PAPSS2: variants seen among roughly 807,000 people sequenced by gnomAD.
PAPSS2 encodes the protein bifunctional 3'-phosphoadenosine 5'-phosphosulfate synthase 2.
In PAPSS2, 61 loss-of-function variants were observed where a neutral mutation model predicts 66.5. That is an observed-to-expected ratio of 0.92 (90% CI 0.75 to 1.14). PAPSS2 has a LOEUF of 1.14. Ranked by LOEUF, PAPSS2 falls within the 50% of genes most tolerant of loss-of-function variation. The probability of loss-of-function intolerance (pLI) is 0.00; values close to 1 mark genes in which losing one functional copy is unlikely to be tolerated. For synonymous variants in PAPSS2, 289 were observed against 287.5 expected, an observed-to-expected ratio of 1.01 and a Z score of -0.05; for missense variants, 708 against 789.6, an observed-to-expected ratio of 0.90 and a Z score of 1.24.
At chr10:87,669,031 TTCTGGGGACAGAAA>T (rs1156868433) in intron 1 of PAPSS2, among the ~76,000 whole-genome samples, 4 of 152,216 alleles carry the variant, frequency 2.6e-5, no homozygotes, top group Non-Finnish European at 5.9e-5. Flanking sequence ...TGTTGTGGCA[TTCTGGGGACAGAAA>T]ATACAGACCA....
chr10:87,689,063 A>G (rs930005967), intron 1 of PAPSS2, among the ~76,000 whole-genome samples: 4 of 152,068 alleles, frequency 2.6e-5, no homozygotes, highest in Non-Finnish European at 4.4e-5. Flanking sequence ...GGCCGGGGCC[A>G]GTTGCGGTGG....
At chr10:87,663,773 T>C (rs1217554134) in intron 1 of PAPSS2, among the ~76,000 whole-genome samples, 1 of 152,212 alleles carries the variant, frequency 6.6e-6, no homozygotes, top group African/African-American at 2.4e-5. Flanking sequence ...CTCCTAAAAA[T>C]TGTCTTGCTC....
intron 6 of PAPSS2, 123 bp downstream of exon 6, chr10:87,715,221 C>G (rs117305777): frequency 5.9e-5 from 41 of 695,456 alleles, no homozygotes; most frequent in Non-Finnish European, 9.4e-5. Context: ...AAATAAAACA[C>G]TCCTTTTTTT....
intron 1 of PAPSS2, among the ~76,000 whole-genome samples, chr10:87,690,932 T>C (rs1013423755): frequency 6.6e-6 from 1 of 152,270 alleles, no homozygotes; most frequent in Non-Finnish European, 1.5e-5. Context: ...CAACCCATCA[T>C]GACCCTGTGT....
At chr10:87,660,084 A>G in intron 1 of PAPSS2, 76 bp downstream of exon 1, 1 of 1,460,318 alleles carries the variant, frequency 6.8e-7, no homozygotes, top group Non-Finnish European at 9.5e-7. Flanking sequence ...ATTCCCCGGC[A>G]CTTGGGTCCC....
At chr10:87,705,442 A>G (rs891784385) in intron 1 of PAPSS2, among the ~76,000 whole-genome samples, 5 of 152,208 alleles carry the variant, frequency 3.3e-5, no homozygotes, top group Non-Finnish European at 7.3e-5. Flanking sequence ...TCTTGAATAG[A>G]TATCTATCAA....
chr10:87,705,496 T>A (rs935995984), intron 1 of PAPSS2, among the ~76,000 whole-genome samples: 7 of 151,094 alleles, frequency 4.6e-5, no homozygotes, highest in African/African-American at 1.7e-4. Context: ...AATGTCAGGG[T>A]TTTTTTTCCC....
chr10:87,712,661 T>TC (rs762369689), intron 2 of PAPSS2, among the ~76,000 whole-genome samples: 10 of 152,098 alleles, frequency 6.6e-5, no homozygotes, highest in East Asian at 1.9e-4. Flanking sequence ...CTCACTATGT[T>TC]CCCCAGGCTA....
intron 1 of PAPSS2, 84 bp from the exon 2 acceptor site, chr10:87,709,112 G>T: frequency 1.1e-6 from 1 of 907,810 alleles, no homozygotes; most frequent in Non-Finnish European, 1.8e-6. Flanking sequence ...GCAATTAAAA[G>T]TTTAAGATGG....
intron 1 of PAPSS2, among the ~76,000 whole-genome samples, chr10:87,694,925 G>A (rs1853213640): frequency 6.6e-6 from 1 of 152,176 alleles, no homozygotes; most frequent in African/African-American, 2.4e-5. Flanking sequence ...ACTGTGTTCA[G>A]GAACAGGTCC....
At chr10:87,704,483 A>T (rs1853357737) in intron 1 of PAPSS2, among the ~76,000 whole-genome samples, 1 of 152,176 alleles carries the variant, frequency 6.6e-6, no homozygotes, top group African/African-American at 2.4e-5. Flanking sequence ...AGACAAATTA[A>T]ATTTTAGTGG....
intron 1 of PAPSS2, among the ~76,000 whole-genome samples, chr10:87,690,450 A>G (rs1853158430): frequency 6.6e-6 from 1 of 152,206 alleles, no homozygotes; most frequent in African/African-American, 2.4e-5. Context: ...GAGGGAGGCT[A>G]GAGAGATGGG....
chr10:87,680,700 G>A (rs534888442), intron 1 of PAPSS2, among the ~76,000 whole-genome samples: 8 of 152,064 alleles, frequency 5.3e-5, no homozygotes, highest in African/African-American at 1.9e-4. Flanking sequence ...TCTAATCTGT[G>A]TACTGGAACA....
Position 87,712,960 on chromosome 10 carries a change from CTTTCT to C in PAPSS2, c.146-111_146-107del, listed in dbSNP as rs1172893875. 87 of 685,318 alleles carry C rather than the reference CTTTCT, an allele frequency of 1.3e-4. No homozygotes were observed. In the East Asian group the frequency reaches 1.5e-3, roughly 12 times the overall value. 42.5% of individuals were successfully genotyped at this position (685,318 alleles called of 1,614,324 possible). A position where few individuals can be genotyped will look rare whatever the true frequency, so the allele number is the denominator to read the frequency against. On this transcript the variant is annotated intron_variant, in intron 2 of 12. Transcript: ENST00000456849. ...TGTAGTCAACTACACTGATTTCTTT[CTTTCT>C]TTTTTTTTTTTTTAAGATTTAGTTA...
intron 1 of PAPSS2, among the ~76,000 whole-genome samples, chr10:87,680,411 A>T (rs1853005052): frequency 1.3e-5 from 2 of 152,144 alleles, no homozygotes; most frequent in South Asian, 4.2e-4. Context: ...GTTCCCCAGG[A>T]ACAAGCTTTC....
At chr10:87,743,897 G>A (rs900661437) in intron 11 of PAPSS2, among the ~76,000 whole-genome samples, 1 of 152,152 alleles carries the variant, frequency 6.6e-6, no homozygotes. Context: ...AAGGTCAGGA[G>A]TTCGAGGCCA....
intron 1 of PAPSS2, among the ~76,000 whole-genome samples, chr10:87,676,910 A>C (rs1350166581): frequency 6.9e-6 from 1 of 144,322 alleles, no homozygotes; most frequent in East Asian, 2.1e-4. Context: ...AAAAAAAAAA[A>C]AGGCCGGATG....
chr10:87,732,229 A>G (rs1294345605), intron 9 of PAPSS2, among the ~76,000 whole-genome samples: 1 of 152,208 alleles, frequency 6.6e-6, no homozygotes, highest in African/African-American at 2.4e-5. Context: ...TTTTAGCAAA[A>G]AGGTATTTTT....
In PAPSS2 at chr10:87,695,765, G is replaced by A. The variant is rs118034145; in HGVS notation, c.28-13431G>A. Among the ~76,000 whole-genome samples, 1,261 of 152,338 alleles carry A rather than the reference G, an allele frequency of 8.3e-3. 8 individuals are homozygous for A. The highest frequency in any genetic ancestry group is 0.014 in the South Asian group (70 of 4,830). ...ACATAATTAGAGAGGAAGGAGAGCAGTAGGTCCTATAAGCCCTCGTCGTCA... is the reference window on the plus strand; with the variant it reads ...ACATAATTAGAGAGGAAGGAGAGCAATAGGTCCTATAAGCCCTCGTCGTCA... On this transcript the variant is annotated intron_variant, in intron 1 of 12. Transcript: ENST00000456849.
Sources: allele counts gnomAD v4.1 joint callset (sites outside exome capture counted in the v4.1 genomes callset), GRCh38; gene constraint gnomAD v4.1.1; transcripts MANE v1.5; gene names NCBI Gene and HGNC (gene_info 2026-07-23, HGNC 2026-07-21).